TAFA1: variants seen among roughly 807,000 people sequenced by gnomAD.
TAFA1 encodes chemokine-like protein TAFA-1.
In TAFA1, 4 loss-of-function variants were observed where a neutral mutation model predicts 18.5. The ratio of observed to expected loss-of-function variants is 0.22; its 90% confidence interval spans 0.11 to 0.49. TAFA1 has a LOEUF of 0.49. Among genes scored for constraint, TAFA1 ranks in the 20% least tolerant of loss-of-function variants. The pLI, the probability that TAFA1 is intolerant of heterozygous loss-of-function variation, is 0.98. For missense variants in TAFA1, 147 were observed against 169.0 expected (o/e 0.87, Z 0.72); for synonymous variants, 56 against 55.2 (o/e 1.01, Z -0.06).
intron 2 of TAFA1, among the ~76,000 whole-genome samples, chr3:68,201,492 C>A (rs1228002914): frequency 6.6e-6 from 1 of 151,576 alleles, no homozygotes; most frequent in Non-Finnish European, 1.5e-5. Flanking sequence ...AGTCTCCAAC[C>A]ATAATAATGG....
chr3:68,164,085 G>A (rs1056351431), intron 2 of TAFA1, among the ~76,000 whole-genome samples: 13 of 152,152 alleles, frequency 8.5e-5, no homozygotes, highest in African/African-American at 3.1e-4. Context: ...TAACAGATAT[G>A]CTAATCTCAG....
chr3:68,226,789 A>G (rs1005590336), intron 2 of TAFA1, among the ~76,000 whole-genome samples: 1 of 152,196 alleles, frequency 6.6e-6, no homozygotes, highest in African/African-American at 2.4e-5. Context: ...CAGAGAACCA[A>G]TAGTTCTCAG....
chr3:68,236,069 T>G (rs755111059), intron 2 of TAFA1, among the ~76,000 whole-genome samples: 2 of 152,138 alleles, frequency 1.3e-5, no homozygotes, highest in Non-Finnish European at 2.9e-5. Context: ...ATGTAATTAT[T>G]GAGAGTAAAA....
intron 3 of TAFA1, among the ~76,000 whole-genome samples, chr3:68,455,229 G>C (rs1455954989): frequency 6.6e-6 from 1 of 151,936 alleles, no homozygotes; most frequent in African/African-American, 2.4e-5. Flanking sequence ...GAAGATGAAG[G>C]CTTGGTCTTG....
At chr3:68,371,425 G>A (rs1160688272) in intron 2 of TAFA1, among the ~76,000 whole-genome samples, 1 of 151,898 alleles carries the variant, frequency 6.6e-6, no homozygotes, top group Non-Finnish European at 1.5e-5. Flanking sequence ...CCCTCCCTGT[G>A]TCCATGTGTT....
At chr3:68,457,496 C>G (rs2071686795) in intron 3 of TAFA1, among the ~76,000 whole-genome samples, 1 of 152,052 alleles carries the variant, frequency 6.6e-6, no homozygotes, top group Non-Finnish European at 1.5e-5. Flanking sequence ...TTTTTAAAAA[C>G]CTACACAAGT....
At chr3:68,382,215 A>G (rs964628698) in intron 2 of TAFA1, among the ~76,000 whole-genome samples, 2 of 152,152 alleles carry the variant, frequency 1.3e-5, no homozygotes, top group Admixed American at 6.6e-5. Context: ...ATCAATGTTC[A>G]TCAAGGATAT....
intron 2 of TAFA1, chr3:68,250,898 C>A (rs1306065421): frequency 2.0e-5 from 3 of 151,876 alleles, no homozygotes; most frequent in African/African-American, 7.3e-5. Flanking sequence ...CAAAGGAACC[C>A]TATTTCTCTT....
chr3:68,482,095 C>T (rs2072248815), intron 3 of TAFA1, among the ~76,000 whole-genome samples: 1 of 152,240 alleles, frequency 6.6e-6, no homozygotes, highest in Admixed American at 6.5e-5. Flanking sequence ...ACTGCAAGCT[C>T]TGCCTCCCGG....
intron 2 of TAFA1, among the ~76,000 whole-genome samples, chr3:68,328,965 C>T (rs1184254660): frequency 6.6e-6 from 1 of 151,880 alleles, no homozygotes; most frequent in African/African-American, 2.4e-5. Context: ...TGGTTCCAAG[C>T]CATGTACAAA....
intron 2 of TAFA1, among the ~76,000 whole-genome samples, chr3:68,387,075 T>C (rs2070121269): frequency 6.6e-6 from 1 of 151,444 alleles, no homozygotes; most frequent in Non-Finnish European, 1.5e-5. Context: ...TTTTTTGGTG[T>C]CTGCATGCAG....
At chr3:68,409,663 A>G (rs2106773766) in intron 2 of TAFA1, among the ~76,000 whole-genome samples, 1 of 152,286 alleles carries the variant, frequency 6.6e-6, no homozygotes, top group South Asian at 2.1e-4. Flanking sequence ...ACAGACTAAT[A>G]CAATCACCAA....
chr3:68,300,801 G>T (rs1398661157), intron 2 of TAFA1, among the ~76,000 whole-genome samples: 5 of 152,122 alleles, frequency 3.3e-5, no homozygotes. Flanking sequence ...GGTTTTATAA[G>T]TGTTTTCTAG....
intron 2 of TAFA1, among the ~76,000 whole-genome samples, chr3:68,084,013 C>T (rs1296593754): frequency 6.6e-6 from 1 of 152,160 alleles, no homozygotes; most frequent in Non-Finnish European, 1.5e-5. Context: ...CTTAATGGCT[C>T]AGCTCATTCC....
chr3:68,538,615 A>C, intron 3 of TAFA1, 141 bp from the exon 4 acceptor site: 19 of 696,182 alleles, frequency 2.7e-5, no homozygotes, highest in Non-Finnish European at 4.3e-5. Flanking sequence ...TTTTTTTAAT[A>C]GAGCTTTCTT....
chr3:68,297,670 T>A (rs2068233677), intron 2 of TAFA1, among the ~76,000 whole-genome samples: 1 of 152,210 alleles, frequency 6.6e-6, no homozygotes, highest in African/African-American at 2.4e-5. Flanking sequence ...TGAAAATTAT[T>A]TAATGAAGAG....
At chr3:68,189,135 G>A (rs1477759585) in intron 2 of TAFA1, among the ~76,000 whole-genome samples, 1 of 151,900 alleles carries the variant, frequency 6.6e-6, no homozygotes, top group Non-Finnish European at 1.5e-5. Flanking sequence ...GACTAATGTT[G>A]TTCATCATCG....
intron 3 of TAFA1, among the ~76,000 whole-genome samples, chr3:68,502,661 C>G (rs1387255518): frequency 6.6e-6 from 1 of 152,008 alleles, no homozygotes; most frequent in Non-Finnish European, 1.5e-5. Context: ...TGATTCTCCC[C>G]AGCCCCATGT....
chr3:68,074,016 T>C (rs2064791888), intron 2 of TAFA1, among the ~76,000 whole-genome samples: 1 of 152,152 alleles, frequency 6.6e-6, no homozygotes, highest in South Asian at 2.1e-4. Flanking sequence ...TAACTCACCA[T>C]AATGTGGAAT....
Sources: allele counts gnomAD v4.1 joint callset (sites outside exome capture counted in the v4.1 genomes callset), GRCh38; gene constraint gnomAD v4.1.1; transcripts MANE v1.5; gene names NCBI Gene and HGNC (gene_info 2026-07-23, HGNC 2026-07-21).